The following FAF1 variants were observed in gnomAD, a reference collection of about 807,000 sequenced individuals.
FAF1 encodes the protein Fas associated factor 1, also known as FAS-associated factor 1.
FAF1 carries 25 observed loss-of-function variants against 92.5 expected under a neutral mutation model. The ratio of observed to expected loss-of-function variants is 0.27; its 90% CI spans 0.20 to 0.38. The LOEUF is 0.38. FAF1 is among the 10% of genes least tolerant of loss of function. FAF1 has a pLI of 1.00. For missense variants in FAF1, 636 were observed against 793.3 expected, an observed-to-expected ratio of 0.80 and a Z score of 2.38; for synonymous variants, 234 against 273.2, an observed-to-expected ratio of 0.86 and a Z score of 1.42.
chr1:50,591,403 T>G (rs1056779215), intron 9 of FAF1, among the ~76,000 whole-genome samples: 13 of 152,188 alleles, frequency 8.5e-5, no homozygotes, highest in Non-Finnish European at 2.9e-5. Context: ...CCAGGTGCAG[T>G]GGCTCATGCC....
In FAF1 at chr1:50,501,917, T is replaced by C. The variant is rs183109570; in HGVS notation, c.1495-10116A>G. ...TATAAAATGTGTACACAAATGTTCA[T>C]AGCAGCTTTATTTGTAATAGCCAAA... is the stretch of plus-strand genomic sequence containing the variant. On this transcript the variant is annotated intron_variant, in intron 15 of 18. Transcript: ENST00000396153. Among the ~76,000 whole-genome samples, 219 of 152,286 alleles carry C rather than the reference T, an allele frequency of 1.4e-3. 1 individual carries two copies. Among genetic ancestry groups the C allele is most frequent in the African/African-American group, 5.1e-3 (214 of 41,554 alleles).
intron 1 of FAF1, among the ~76,000 whole-genome samples, chr1:50,870,793 T>C (rs1644521467): frequency 6.6e-6 from 1 of 152,130 alleles, no homozygotes; most frequent in South Asian, 2.1e-4. Context: ...TCAGACACAA[T>C]ATTGAAACGA....
intron 8 of FAF1, among the ~76,000 whole-genome samples, chr1:50,629,434 G>A (rs561095397): frequency 6.6e-6 from 1 of 152,220 alleles, no homozygotes; most frequent in East Asian, 1.9e-4. Flanking sequence ...CTCCTGAAGT[G>A]CTGAGATTAC....
intron 16 of FAF1, 136 bp from the exon 17 acceptor site, chr1:50,490,801 C>A: frequency 1.5e-6 from 1 of 675,388 alleles, no homozygotes. Flanking sequence ...CAACATGACT[C>A]AGAGGTATAT....
Position 50,549,166 on chromosome 1 carries a change from G to C in FAF1, c.1269-9438C>G, listed in dbSNP as rs546807426. On this transcript the variant is annotated intron_variant, in intron 13 of 18. Coordinates refer to ENST00000396153, the MANE Select transcript of FAF1 (RefSeq NM_007051.3). ...TACTGCTGCATAACTTCTAGAATAT[G>C]CACCAACATCATTGTAAGATAACGT... 3.5e-3 allele frequency among the ~76,000 whole-genome samples: 539 copies of C among 152,226 alleles called. 2 individuals are homozygous for C. The highest frequency in any genetic ancestry group is 6.2e-3 in the Non-Finnish European group (419 of 68,018).
At chr1:50,656,451 A>T (rs574404652) in intron 7 of FAF1, among the ~76,000 whole-genome samples, 4 of 152,216 alleles carry the variant, frequency 2.6e-5, no homozygotes, top group Non-Finnish European at 5.9e-5. Context: ...CCTTCCTGAA[A>T]ATTAAATACA....
At chr1:50,712,682 C>T (rs1331621094) in intron 6 of FAF1, among the ~76,000 whole-genome samples, 1 of 151,928 alleles carries the variant, frequency 6.6e-6, no homozygotes, top group Non-Finnish European at 1.5e-5. Flanking sequence ...CCATGGTAAT[C>T]TGTGTAATTT....
At chr1:50,908,772 G>A (rs1293551765) in intron 1 of FAF1, among the ~76,000 whole-genome samples, 1 of 151,954 alleles carries the variant, frequency 6.6e-6, no homozygotes. Flanking sequence ...GTGTGTCTCT[G>A]CACATGAGAT....
chr1:50,716,702 G>A (rs768735132), intron 6 of FAF1, among the ~76,000 whole-genome samples: 3 of 152,198 alleles, frequency 2.0e-5, no homozygotes, highest in Non-Finnish European at 4.4e-5. Flanking sequence ...ACACCAGTCA[G>A]CACTCCGTAA....
chr1:50,452,131 C>G, intron 18 of FAF1: 1 of 1,349,690 alleles, frequency 7.4e-7, no homozygotes, highest in Non-Finnish European at 9.8e-7. Context: ...GAATAAAGAA[C>G]ATAAAATGAA....
intron 14 of FAF1, among the ~76,000 whole-genome samples, chr1:50,536,936 A>G (rs1264326771): frequency 6.6e-6 from 1 of 152,158 alleles, no homozygotes; most frequent in Non-Finnish European, 1.5e-5. Flanking sequence ...ATATTAATAG[A>G]TATGACAGAT....
chr1:50,501,690 T>C (rs1646988264), intron 15 of FAF1, among the ~76,000 whole-genome samples: 1 of 151,432 alleles, frequency 6.6e-6, no homozygotes. Flanking sequence ...AGACTAACTA[T>C]ACAAAATGTT....
chr1:50,843,691 G>A (rs779635051), intron 2 of FAF1, among the ~76,000 whole-genome samples: 38 of 151,866 alleles, frequency 2.5e-4, no homozygotes, highest in Non-Finnish European at 4.7e-4. Flanking sequence ...TACCCATGTT[G>A]CTGTAAATAA....
chr1:50,765,841 A>T (rs1487112229), intron 4 of FAF1, among the ~76,000 whole-genome samples: 2 of 152,256 alleles, frequency 1.3e-5, no homozygotes, highest in Non-Finnish European at 2.9e-5. Flanking sequence ...CTGTAATCCC[A>T]GCACTTTGGA....
chr1:50,650,769 T>G (rs1654828415), intron 8 of FAF1, among the ~76,000 whole-genome samples: 1 of 152,208 alleles, frequency 6.6e-6, no homozygotes, highest in African/African-American at 2.4e-5. Flanking sequence ...GTGTTAAAAT[T>G]ATTTCTCCTA....
intron 18 of FAF1, among the ~76,000 whole-genome samples, chr1:50,475,193 A>G (rs985059943): frequency 3.3e-5 from 5 of 152,236 alleles, no homozygotes; most frequent in African/African-American, 1.2e-4. Flanking sequence ...AGACATCAGC[A>G]AAGACTGGAA....
At chr1:50,950,150 T>G (rs181361503) in intron 1 of FAF1, among the ~76,000 whole-genome samples, 8 of 152,284 alleles carry the variant, frequency 5.3e-5, no homozygotes, top group Admixed American at 4.6e-4. Flanking sequence ...CAGATCACCA[T>G]TTTATAGACT....
In FAF1 at chr1:50,583,831, A is replaced by G. The variant is rs978599643; in HGVS notation, c.968-116T>C. 3.6e-6 allele frequency: 2 copies of G among 557,500 alleles called. No homozygotes were observed. Among genetic ancestry groups the G allele is most frequent in the South Asian group, 3.2e-5 (1 of 30,792 alleles). The allele number at this position is 557,500 out of a possible 1,614,324, so 34.5% of individuals were successfully genotyped here. The stretch of plus-strand genomic sequence containing the variant: ...GAAATATATTCAATCAATAAAGAGG[A>G]AATAAAATTAAATTTTAGCTTCTGT... On this transcript the variant is annotated intron_variant, in intron 10 of 18. Transcript: ENST00000396153. The surrounding 1 kb of genome is among the most constrained non-coding windows in gnomAD (Gnocchi z 4.2).
intron 13 of FAF1, among the ~76,000 whole-genome samples, chr1:50,550,657 A>G (rs1649269432): frequency 1.3e-5 from 2 of 152,218 alleles, no homozygotes; most frequent in African/African-American, 4.8e-5. Flanking sequence ...TAAACTCCCT[A>G]AAGAATTATC....
Sources: allele counts gnomAD v4.1 joint callset (sites outside exome capture counted in the v4.1 genomes callset), GRCh38; gene constraint gnomAD v4.1.1; non-coding constraint Gnocchi (gnomAD v3.1); transcripts MANE v1.5; gene names NCBI Gene and HGNC (gene_info 2026-07-23, HGNC 2026-07-21).